Variants in RSPO4 observed in about 807,000 individuals in gnomAD.
RSPO4 encodes the protein R-spondin-4.
RSPO4 carries 23 observed loss-of-function variants against 24.8 expected under a neutral mutation model. The ratio of observed to expected loss-of-function variants is 0.93; its 90% CI spans 0.67 to 1.31. The LOEUF (loss-of-function observed/expected upper bound fraction) is 1.31. RSPO4 is among the 40% of genes most tolerant of loss of function. RSPO4 has a pLI of 0.00. For synonymous variants in RSPO4, 141 were observed against 127.4 expected (o/e 1.11, Z -0.72); for missense variants, 333 against 316.5 (o/e 1.05, Z -0.39).
At chr20:967,489 A>C (rs1177565318) in intron 2 of RSPO4, among the ~76,000 whole-genome samples, 175 bp from the exon 3 acceptor site, 5 of 152,220 alleles carry the variant, frequency 3.3e-5, no homozygotes, top group African/African-American at 1.2e-4. Flanking sequence ...GCTGCATGTG[A>C]AGAGAACACT....
intron 1 of RSPO4, among the ~76,000 whole-genome samples, chr20:987,042 T>C (rs1217764068): frequency 6.6e-6 from 1 of 152,184 alleles, no homozygotes; most frequent in East Asian, 1.9e-4. Context: ...CCTGAGGTAG[T>C]AACAGCATTT....
intron 1 of RSPO4, among the ~76,000 whole-genome samples, chr20:985,988 T>C (rs1984908276): frequency 6.6e-6 from 1 of 152,246 alleles, no homozygotes; most frequent in Non-Finnish European, 1.5e-5. Flanking sequence ...CAGCCTGCAT[T>C]GCCACCATTT....
At chr20:964,741 CACATATATAT>C (rs1984128429) in intron 3 of RSPO4, among the ~76,000 whole-genome samples, 8 of 148,860 alleles carry the variant, frequency 5.4e-5, no homozygotes, top group Admixed American at 4.0e-4. Flanking sequence ...TACACACACA[CACATATATAT>C]ACACATATAT....
At chr20:962,738 A>C (rs1984043114) in intron 4 of RSPO4, among the ~76,000 whole-genome samples, 1 of 152,228 alleles carries the variant, frequency 6.6e-6, no homozygotes, top group East Asian at 1.9e-4. Flanking sequence ...ACTATGTCCC[A>C]GCTGGGTGCC....
At chr20:969,584 A>G (rs966455576) in intron 1 of RSPO4, among the ~76,000 whole-genome samples, 3 of 152,094 alleles carry the variant, frequency 2.0e-5, no homozygotes, top group African/African-American at 7.2e-5. Flanking sequence ...GAAGAGTGTG[A>G]TAGAAGAGCC....
chr20:986,624 G>A (rs1397718042), intron 1 of RSPO4, among the ~76,000 whole-genome samples: 1 of 124,028 alleles, frequency 8.1e-6, no homozygotes, highest in African/African-American at 3.0e-5. Context: ...TTAAGGATTG[G>A]AGTTTAAAAA....
At chr20:987,838 G>T (rs1008261812) in intron 1 of RSPO4, among the ~76,000 whole-genome samples, 5 of 152,220 alleles carry the variant, frequency 3.3e-5, no homozygotes, top group Non-Finnish European at 5.9e-5. Flanking sequence ...CCACTGAAAA[G>T]CTTGTTCCTT....
In RSPO4 at chr20:960,452, G is replaced by A; in HGVS notation, c.610C>T (p.Gln204Ter). The change falls in exon 5 of 5, where the codon CAG becomes TAG. Residue 204 changes from glutamine (Q) to a stop codon, truncating the protein, a stop_gained. Transcript: ENST00000217260. LOFTEE classifies it low-confidence loss of function (END_TRUNC). ...RPCPGERSPG[Q>*]KKGRKDRRPR... ...CGCCGGTCCTTCCTGCCCTTCTTCT[G>A]GCCGGGGCTCCTCTCTGCAATGAGA... 9 of 1,539,306 alleles carry A rather than the reference G, an allele frequency of 5.8e-6. No homozygotes were observed. The highest frequency in any genetic ancestry group is 7.8e-6 in the Non-Finnish European group (9 of 1,146,952).
At chr20:973,136 C>G (rs879675776) in intron 1 of RSPO4, among the ~76,000 whole-genome samples, 2 of 152,014 alleles carry the variant, frequency 1.3e-5, no homozygotes, top group South Asian at 4.2e-4. Flanking sequence ...CTGTCCAGGG[C>G]CTCCTGTGTC....
In RSPO4 at chr20:975,581, T is replaced by C. The variant is rs929561559; in HGVS notation, c.80-7443A>G. 9.2e-5 allele frequency among the ~76,000 whole-genome samples: 14 copies of C among 152,198 alleles called. No homozygotes were observed. The South Asian group carries it at 1.9e-3, about 20-fold the overall frequency. On this transcript the variant is annotated intron_variant, in intron 1 of 4. Transcript: ENST00000217260. ...AGTCCAGATTTGGATGTCCATTTTA[T>C]GGAGAATGAGAGTGGAATCAAACAC...
chr20:971,706 A>G (rs1984413172), intron 1 of RSPO4, among the ~76,000 whole-genome samples: 1 of 152,256 alleles, frequency 6.6e-6, no homozygotes, highest in Non-Finnish European at 1.5e-5. Flanking sequence ...ATATGCATTC[A>G]GAGCAGAAGA....
At chr20:965,027 G>C (rs1600088544) in intron 3 of RSPO4, among the ~76,000 whole-genome samples, 1 of 152,188 alleles carries the variant, frequency 6.6e-6, no homozygotes, top group East Asian at 1.9e-4. Context: ...GACCTTGCTA[G>C]ATACACACAT....
intron 3 of RSPO4, among the ~76,000 whole-genome samples, chr20:964,550 T>A (rs1159768366): frequency 6.6e-6 from 1 of 151,852 alleles, no homozygotes; most frequent in Non-Finnish European, 1.5e-5. Context: ...GAAGGTTGCC[T>A]GGGAAGCCCT....
At chr20:979,956 G>A (rs1984686212) in intron 1 of RSPO4, among the ~76,000 whole-genome samples, 1 of 152,142 alleles carries the variant, frequency 6.6e-6, no homozygotes, top group Admixed American at 6.5e-5. Context: ...TCCCACCAGT[G>A]AAAGATGAGT....
At chr20:993,401 C>T (rs893784362) in intron 1 of RSPO4, among the ~76,000 whole-genome samples, 1 of 152,158 alleles carries the variant, frequency 6.6e-6, no homozygotes, top group Non-Finnish European at 1.5e-5. Context: ...TCTCCGAGGG[C>T]GGGGCTGAGG....
intron 1 of RSPO4, among the ~76,000 whole-genome samples, chr20:975,080 G>A (rs1235320227): frequency 6.6e-6 from 1 of 152,138 alleles, no homozygotes; most frequent in Non-Finnish European, 1.5e-5. Flanking sequence ...TTTTTCACTT[G>A]AGCTGGTTTT....
chr20:984,610 A>G (rs1984841882), intron 1 of RSPO4, among the ~76,000 whole-genome samples: 1 of 152,094 alleles, frequency 6.6e-6, no homozygotes, highest in Non-Finnish European at 1.5e-5. Flanking sequence ...TTGCCCAGTA[A>G]TCACACCTGG....
Position 960,105 on chromosome 20 carries a change from AGTG to A in RSPO4, c.*249_*251del. On this transcript the variant is annotated 3_prime_UTR_variant, in exon 5 of 5. Transcript: ENST00000217260. ...GAAAGAAAAGGAAAGATAAAAGATA[AGTG>A]AGAAAGAAGAGGAAGGAAGGGAAGG... 1 of 567,532 alleles carries A rather than the reference AGTG, an allele frequency of 1.8e-6. No homozygotes were observed. 35.2% of individuals were successfully genotyped at this position (567,532 alleles called of 1,614,324 possible).
At chr20:992,574 A>G (rs1985145313) in intron 1 of RSPO4, among the ~76,000 whole-genome samples, 1 of 152,068 alleles carries the variant, frequency 6.6e-6, no homozygotes. Flanking sequence ...TTAAAGAAAC[A>G]CTGACTGTCT....
Sources: allele counts gnomAD v4.1 joint callset (sites outside exome capture counted in the v4.1 genomes callset), GRCh38; gene constraint gnomAD v4.1.1; transcripts MANE v1.5; gene names NCBI Gene and HGNC (gene_info 2026-07-23, HGNC 2026-07-21).